Variants in SLC9A5 observed in about 807,000 individuals in gnomAD.
SLC9A5 encodes the protein solute carrier family 9 member A5, also known as sodium/hydrogen exchanger 5.
A neutral mutation model predicts 91.7 loss-of-function variants in SLC9A5; 52 were observed. The ratio of observed to expected loss-of-function variants is 0.57; its 90% confidence interval spans 0.45 to 0.71. The LOEUF is 0.71. Ranked by LOEUF, SLC9A5 falls within the 30% of genes least tolerant of loss-of-function variation. The pLI, the probability that SLC9A5 is intolerant of heterozygous loss-of-function variation, is 0.00. For missense variants in SLC9A5, 871 were observed against 1,158.9 expected (o/e 0.75, Z 3.61); for synonymous variants, 419 against 474.5 (o/e 0.88, Z 1.52).
chr16:67,249,085 C>T lies in SLC9A5; in HGVS notation c.71C>T (p.Pro24Leu). The part of the protein sequence containing the change: ...AGAAEEPTQK[P>L]ESPGEPPPGL... ...GCGGCCGAAGAGCCCACCCAGAAGC[C>T]AGAGTCCCCGGGCGAGCCTCCCCCA... The change falls in exon 1 of 16, where the codon CCA becomes CTA. Residue 24 changes from proline (P) to leucine (L), a missense_variant. Physicochemically the swap from Pro to Leu is moderately conservative, Grantham distance 98 (BLOSUM62 -3). Transcript: ENST00000299798. 2 of 1,533,840 alleles carry T rather than the reference C, an allele frequency of 1.3e-6. No individual in the cohort carries two copies. The highest frequency in any genetic ancestry group is 1.7e-6 in the Non-Finnish European group (2 of 1,146,908).
intron 15 of SLC9A5, among the ~76,000 whole-genome samples, chr16:67,269,729 A>G (rs1458045279): frequency 6.6e-6 from 1 of 152,172 alleles, no homozygotes; most frequent in Non-Finnish European, 1.5e-5. Context: ...GACTTTATCG[A>G]TGAACAGATA....
Position 67,258,459 on chromosome 16 carries a change from G to C in SLC9A5, c.1626+12G>C. On this transcript the variant is annotated intron_variant, in intron 10 of 15. Coordinates refer to ENST00000299798, the MANE Select transcript of SLC9A5 (RefSeq NM_004594.3). The surrounding 1 kb of genome is among the most constrained non-coding windows in gnomAD (Gnocchi z 4.5). ...GCTTTGTGGACCAGGTGGGCCAGCA[G>C]CTTCCAGGTGGGCCAGTGGTGGGTG... 6.2e-7 allele frequency: 1 copy of C among 1,614,004 alleles called. No individual in the cohort carries two copies. Among genetic ancestry groups the C allele is most frequent in the Non-Finnish European group, 8.5e-7 (1 of 1,179,964 alleles).
In SLC9A5 at chr16:67,257,054, G is replaced by C; in HGVS notation, c.1276G>C (p.Ala426Pro). 1.9e-6 allele frequency: 3 copies of C among 1,613,444 alleles called. No individual in the cohort carries two copies. The highest frequency in any genetic ancestry group is 2.5e-6 in the Non-Finnish European group (3 of 1,180,036). Residue 426 changes from alanine to proline, a missense_variant, in exon 7 of 16, where the codon GCC (alanine) becomes CCC (proline). By Grantham distance (27) the Ala-to-Pro change is conservative (BLOSUM62 -1). Transcript: ENST00000299798. The surrounding 1 kb of genome is among the most constrained non-coding windows in gnomAD (Gnocchi z 5.1). Reference sequence around the variant, plus strand: ...CCTACTGGATAGGACCAAGGTCCCTGCCAAGGACTACTTTGTAGCCACCAC... The same window carrying C: ...CCTACTGGATAGGACCAAGGTCCCTCCCAAGGACTACTTTGTAGCCACCAC... ...VILLDRTKVP[A>P]KDYFVATTIV...
Position 67,249,101 on chromosome 16 carries a change from G to T in SLC9A5, c.87G>T (p.Glu29Asp), listed in dbSNP as rs368056449. Residue 29 changes from glutamate to aspartate, a missense_variant, in exon 1 of 16, where the codon GAG becomes GAT. This residue lies in a region of SLC9A5 where 122 missense variants were observed against 114.5 expected (regional missense o/e 1.07). Coordinates refer to ENST00000299798, the MANE Select transcript of SLC9A5 (RefSeq NM_004594.3). The part of the protein sequence containing the change: ...EPTQKPESPG[E>D]PPPGLELFRW... ...CCCAGAAGCCAGAGTCCCCGGGCGAGCCTCCCCCAGGCTTAGAGCTCTTCC... is the reference window on the plus strand; with the variant it reads ...CCCAGAAGCCAGAGTCCCCGGGCGATCCTCCCCCAGGCTTAGAGCTCTTCC... 3 of 1,542,516 alleles carry T rather than the reference G, an allele frequency of 1.9e-6. No homozygotes were observed. The highest frequency in any genetic ancestry group is 1.7e-6 in the Non-Finnish European group (2 of 1,151,058).
chr16:67,249,971 C>T (rs985383278), intron 1 of SLC9A5, among the ~76,000 whole-genome samples: 4 of 152,206 alleles, frequency 2.6e-5, no homozygotes, highest in Admixed American at 1.3e-4. Context: ...TCTGAGCAGC[C>T]AGTGGTCCCT....
chr16:67,264,225 T>TC, intron 12 of SLC9A5, 127 bp from the exon 13 acceptor site: 1 of 753,846 alleles, frequency 1.3e-6, no homozygotes, highest in Non-Finnish European at 2.2e-6. Flanking sequence ...TGTTTTTCAA[T>TC]CCATTGTTAA....
intron 1 of SLC9A5, among the ~76,000 whole-genome samples, chr16:67,251,658 C>A (rs1186973812): frequency 6.6e-6 from 1 of 152,002 alleles, no homozygotes; most frequent in Non-Finnish European, 1.5e-5. Flanking sequence ...AGGTGATCTG[C>A]CCACTTTGGC....
chr16:67,268,880 G>A (rs1478781062), intron 15 of SLC9A5, among the ~76,000 whole-genome samples: 1 of 150,510 alleles, frequency 6.6e-6, no homozygotes, highest in Non-Finnish European at 1.5e-5. Context: ...AGAGGCCAGG[G>A]ATGCTGCTAA....
At position 67,255,933 on chromosome 16, in the gene SLC9A5, G is replaced by T; in HGVS notation, c.911+3G>T. 1 of 1,612,162 alleles carries T rather than the reference G, an allele frequency of 6.2e-7. No individual in the cohort carries two copies. Among genetic ancestry groups the T allele is most frequent in the Non-Finnish European group, 8.5e-7 (1 of 1,179,142 alleles). ...GCCTCGCTCTCCGCCATTCTTGCGT[G>T]AGTTCTGGGGGCCTTGCAGGCAGAT... On this transcript the variant is annotated splice_donor_region_variant and intron_variant, in intron 5 of 15. Coordinates refer to ENST00000299798, the MANE Select transcript of SLC9A5 (RefSeq NM_004594.3). The surrounding 1 kb of genome is among the most constrained non-coding windows in gnomAD (Gnocchi z 4.9).
chr16:67,271,301 C>T lies in SLC9A5; in HGVS notation c.*91C>T. On this transcript the variant is annotated 3_prime_UTR_variant, in exon 16 of 16. Coordinates refer to ENST00000299798, the MANE Select transcript of SLC9A5 (RefSeq NM_004594.3). ...GAGCCCTCGAAACTTGACATGGGGC[C>T]AGAAGGGCCTGGGTTGAAGTAGTAA... The T allele has an allele frequency of 8.6e-7, 1 of 1,161,672 alleles. No homozygotes were observed. Among genetic ancestry groups the T allele is most frequent in the Non-Finnish European group, 1.2e-6 (1 of 811,418 alleles). The allele number at this position is 1,161,672 out of a possible 1,614,324, so 72.0% of individuals were successfully genotyped here.
intron 10 of SLC9A5, among the ~76,000 whole-genome samples, chr16:67,259,278 A>G (rs1373868181): frequency 1.3e-5 from 2 of 150,694 alleles, no homozygotes; most frequent in Non-Finnish European, 3.0e-5. Flanking sequence ...AAAAAAAAAA[A>G]AAAAAAATCC....
At chr16:67,269,182 G>A (rs1258044509) in intron 15 of SLC9A5, among the ~76,000 whole-genome samples, 2 of 151,922 alleles carry the variant, frequency 1.3e-5, no homozygotes, top group Non-Finnish European at 2.9e-5. Flanking sequence ...CCAGCACTTC[G>A]GGAGGCCAAG....
intron 12 of SLC9A5, among the ~76,000 whole-genome samples, chr16:67,260,354 C>CAAA (rs397932908): frequency 1.2e-3 from 39 of 33,344 alleles, no homozygotes; most frequent in African/African-American, 1.7e-3. Flanking sequence ...GACTCCATCT[C>CAAA]AAAAAAAAAA....
rs543484102 is a variant in SLC9A5 at position 67,271,658 on chromosome 16, G to A, written c.*448G>A. The A allele has an allele frequency of 2.9e-5, 5 of 173,074 alleles. No individual in the cohort carries two copies. Among genetic ancestry groups the A allele is most frequent in the East Asian group, 1.6e-4 (1 of 6,234 alleles). The allele number at this position is 173,074 out of a possible 1,614,324, so 10.7% of individuals were successfully genotyped here. On this transcript the variant is annotated 3_prime_UTR_variant, in exon 16 of 16. Coordinates refer to ENST00000299798, the MANE Select transcript of SLC9A5 (RefSeq NM_004594.3). The stretch of plus-strand genomic sequence containing the variant: ...AGTGGTGTCCTGGCAGTGAGGCTCC[G>A]TGAGGGGCTGGCCCTTAGAGGAACT...
intron 12 of SLC9A5, among the ~76,000 whole-genome samples, chr16:67,260,454 A>G (rs879369034): frequency 1.3e-5 from 2 of 152,032 alleles, no homozygotes; most frequent in Non-Finnish European, 2.9e-5. Context: ...TTGACCTAAT[A>G]CAAGCACTGT....
chr16:67,271,513 T>G lies in SLC9A5; in HGVS notation c.*303T>G. The G allele has an allele frequency of 5.0e-6, 2 of 402,092 alleles. No homozygotes were observed. The highest frequency in any genetic ancestry group is 3.9e-5 in the South Asian group (1 of 25,690). The allele number at this position is 402,092 out of a possible 1,614,324, so 24.9% of individuals were successfully genotyped here. On this transcript the variant is annotated 3_prime_UTR_variant, in exon 16 of 16. Coordinates refer to ENST00000299798, the MANE Select transcript of SLC9A5 (RefSeq NM_004594.3). ...ACTTGGGTTGCTGGTCCCCCTTCCC[T>G]AGTGGGTTTTCCCGGGGACTCTATA... is the stretch of plus-strand genomic sequence containing the variant.
intron 12 of SLC9A5, chr16:67,261,714 A>G (rs895433447): frequency 7.9e-5 from 12 of 152,184 alleles, no homozygotes; most frequent in African/African-American, 2.9e-4. Flanking sequence ...CTTGCTATTT[A>G]TTTATTGAAG....
rs1345837405 is a variant in SLC9A5 at position 67,257,071 on chromosome 16, A to G, written c.1293A>G (p.Val431=). 5 of 1,612,814 alleles carry G rather than the reference A, an allele frequency of 3.1e-6. No individual in the cohort carries two copies. Among genetic ancestry groups the G allele is most frequent in the Non-Finnish European group, 4.2e-6 (5 of 1,180,032 alleles). ...RTKVPAKDYF[V]ATTIVVVFFT... ...AGGTCCCTGCCAAGGACTACTTTGT[A>G]GCCACCACTATTGTAGTGGTCTTCT... Residue 431 remains valine, a synonymous_variant, in exon 7 of 16, where the codon GTA becomes GTG. Transcript: ENST00000299798. This position sits in a 1 kb window ranked among gnomAD's most constrained non-coding sequence, Gnocchi z 5.1.
At chr16:67,264,745 C>T (rs1403118576) in intron 13 of SLC9A5, among the ~76,000 whole-genome samples, 1 of 152,178 alleles carries the variant, frequency 6.6e-6, no homozygotes, top group Non-Finnish European at 1.5e-5. Context: ...ATGTGGTCAC[C>T]TGCTGGGAGG....
Sources: gnomAD v4.1 joint callset for allele counts (sites outside exome capture counted in the v4.1 genomes callset) on GRCh38, gnomAD v4.1.1 for gene constraint, gnomAD v4.1.1 regional missense constraint, Gnocchi (gnomAD v3.1) non-coding constraint, MANE v1.5 for transcripts, NCBI Gene and HGNC (gene_info 2026-07-23, HGNC 2026-07-21) for gene names.